The following CSTPP1 variants were observed in gnomAD, a reference collection of about 807,000 sequenced individuals.
The protein encoded by CSTPP1 is UPF0705 protein C11orf49.
chr11:46,954,544 G>C, the CSTPP1 span, among the ~76,000 whole-genome samples: 1 of 151,930 alleles, frequency 6.6e-6, no homozygotes, highest in Non-Finnish European at 1.5e-5. Flanking sequence ...GTGAGACTCT[G>C]TTTTGAAAAA....
At chr11:47,164,196 G>A in the CSTPP1 span, 5 of 1,614,036 alleles carry the variant, frequency 3.1e-6, no homozygotes, top group South Asian at 3.3e-5. Flanking sequence ...CCTGGAGAGA[G>A]TGTCCTCAGC....
At chr11:47,034,202 A>G in the CSTPP1 span, among the ~76,000 whole-genome samples, 7 of 152,182 alleles carry the variant, frequency 4.6e-5, no homozygotes, top group African/African-American at 1.7e-4. Flanking sequence ...AACCCAGTCC[A>G]GAAAAAATGG....
the CSTPP1 span, chr11:47,160,182 T>C: frequency 1.2e-5 from 2 of 162,386 alleles, no homozygotes; most frequent in Non-Finnish European, 2.7e-5. Context: ...GCATGTACCA[T>C]TGGTCTCAGC....
At chr11:47,110,249 GTT>G in the CSTPP1 span, among the ~76,000 whole-genome samples, 1 of 152,256 alleles carries the variant, frequency 6.6e-6, no homozygotes, top group African/African-American at 2.4e-5. Context: ...ATCCCTTGCT[GTT>G]TCCCCAGAAT....
the CSTPP1 span, among the ~76,000 whole-genome samples, chr11:46,995,606 C>T: frequency 0.019 from 2,869 of 152,276 alleles, 39 homozygotes; most frequent in Non-Finnish European, 0.027. Context: ...TTTCTTCATG[C>T]TGAGTTCTAG....
the CSTPP1 span, among the ~76,000 whole-genome samples, chr11:47,106,733 G>T: frequency 6.6e-6 from 1 of 152,126 alleles, no homozygotes; most frequent in Non-Finnish European, 1.5e-5. Flanking sequence ...AAATGCCCAG[G>T]AATGTTTCCA....
chr11:47,092,252 G>A, the CSTPP1 span, among the ~76,000 whole-genome samples: 1 of 152,166 alleles, frequency 6.6e-6, no homozygotes, highest in African/African-American at 2.4e-5. Flanking sequence ...TCCAATGGCT[G>A]TAAAAGGGAA....
chr11:47,161,199 C>T, the CSTPP1 span: 1 of 1,614,076 alleles, frequency 6.2e-7, no homozygotes, highest in South Asian at 1.1e-5. Context: ...CTGTAAGTGT[C>T]AAGTGGGAGG....
At chr11:47,039,146 GC>G in the CSTPP1 span, among the ~76,000 whole-genome samples, 1 of 127,704 alleles carries the variant, frequency 7.8e-6, no homozygotes, top group South Asian at 2.5e-4. Context: ...GGAGGCCAAG[GC>G]AGGCTGCTGG....
chr11:47,036,146 ATATAT>A, the CSTPP1 span, among the ~76,000 whole-genome samples: 8 of 41,646 alleles, frequency 1.9e-4, 1 homozygote, highest in East Asian at 1.1e-3. Flanking sequence ...ATAATATATA[ATATAT>A]TATATATAAT....
At chr11:47,088,482 G>A in the CSTPP1 span, among the ~76,000 whole-genome samples, 1 of 152,192 alleles carries the variant, frequency 6.6e-6, no homozygotes. Flanking sequence ...CAAAATGAAT[G>A]GATTATTTTT....
chr11:46,957,642 C>T, the CSTPP1 span, among the ~76,000 whole-genome samples: 1 of 151,822 alleles, frequency 6.6e-6, no homozygotes, highest in South Asian at 2.1e-4. Context: ...GAGATCCTTT[C>T]AGTGTAGAAA....
At chr11:47,077,408 C>T in the CSTPP1 span, among the ~76,000 whole-genome samples, 7 of 152,026 alleles carry the variant, frequency 4.6e-5, no homozygotes, top group Non-Finnish European at 8.8e-5. Context: ...CCTTGTTGGT[C>T]GGGCTGGTCT....
the CSTPP1 span, among the ~76,000 whole-genome samples, chr11:46,960,862 A>C: frequency 8.4e-6 from 1 of 118,478 alleles, no homozygotes; most frequent in Non-Finnish European, 1.5e-5. Flanking sequence ...CAAAAAAAAG[A>C]AAAAAAAAAA....
chr11:47,073,834 A>C, the CSTPP1 span, among the ~76,000 whole-genome samples: 80 of 152,264 alleles, frequency 5.3e-4, 1 homozygote, highest in Non-Finnish European at 1.0e-3. Flanking sequence ...TTTTGTAATT[A>C]TTCTGAATAT....
chr11:47,116,588 CTT>C, the CSTPP1 span, among the ~76,000 whole-genome samples: 6 of 148,438 alleles, frequency 4.0e-5, no homozygotes, highest in African/African-American at 1.5e-4. Flanking sequence ...TTCTTTGTCT[CTT>C]TTGATCTTTG....
chr11:47,037,869 G>A, the CSTPP1 span, among the ~76,000 whole-genome samples: 3 of 127,522 alleles, frequency 2.4e-5, 1 homozygote, highest in Admixed American at 2.5e-4. Context: ...AACCGCCATT[G>A]TCATCATGGC....
chr11:47,130,670 T>G, the CSTPP1 span: 1 of 152,174 alleles, frequency 6.6e-6, no homozygotes, highest in Non-Finnish European at 1.5e-5. Context: ...CCTCACTCCC[T>G]TCCCCCTCCT....
chr11:47,119,548 G>A, the CSTPP1 span, among the ~76,000 whole-genome samples: 1 of 151,704 alleles, frequency 6.6e-6, no homozygotes, highest in Non-Finnish European at 1.5e-5. Flanking sequence ...GGTCATGCTG[G>A]GAGCTACAGA....
Sources: allele counts gnomAD v4.1 joint callset (sites outside exome capture counted in the v4.1 genomes callset), GRCh38; gene constraint gnomAD v4.1.1; transcripts MANE v1.5; gene names NCBI Gene and HGNC (gene_info 2026-07-23, HGNC 2026-07-21).